Variants in NRCAM observed in about 807,000 individuals in gnomAD.
NRCAM encodes the protein neuronal cell adhesion molecule.
In NRCAM, 83 loss-of-function variants were observed where a neutral mutation model predicts 156.5. The observed-to-expected ratio is 0.53, with a 90% confidence interval of 0.44 to 0.64. The LOEUF (loss-of-function observed/expected upper bound fraction) is 0.64, where lower values mean the gene tolerates loss of function less well. Among genes scored for constraint, NRCAM ranks in the 30% least tolerant of loss-of-function variants. The pLI, the probability that NRCAM is intolerant of heterozygous loss-of-function variation, is 0.00. For missense variants in NRCAM, 1,417 were observed against 1,597.3 expected, an observed-to-expected ratio of 0.89 and a Z score of 1.92; for synonymous variants, 538 against 563.9, an observed-to-expected ratio of 0.95 and a Z score of 0.65.
At chr7:108,246,124 C>G (rs767111298) in intron 3 of NRCAM, among the ~76,000 whole-genome samples, 6 of 152,188 alleles carry the variant, frequency 3.9e-5, no homozygotes, top group Non-Finnish European at 5.9e-5. Context: ...GAGGAACGAA[C>G]TAGTTCTTTG....
intron 3 of NRCAM, among the ~76,000 whole-genome samples, chr7:108,241,679 GA>G (rs1042025303): frequency 2.0e-5 from 3 of 150,158 alleles, no homozygotes; most frequent in East Asian, 1.9e-4. Context: ...ATATTTGGAG[GA>G]AAAAAAAAGG....
At chr7:108,189,768 A>T (rs2069881760) in intron 19 of NRCAM, 22 bp from the exon 20 acceptor site, 1 of 885,314 alleles carries the variant, frequency 1.1e-6, no homozygotes, top group Non-Finnish European at 1.9e-6. Context: ...ACATACACAC[A>T]TCATGGTCAC....
chr7:108,233,852 T>A (rs17155253), intron 6 of NRCAM, among the ~76,000 whole-genome samples: 11,202 of 152,232 alleles, frequency 0.074, 594 homozygotes, highest in African/African-American at 0.14. Flanking sequence ...TGACTGGACA[T>A]GTTACAGATC....
At chr7:108,286,331 G>A (rs1388872710) in intron 3 of NRCAM, among the ~76,000 whole-genome samples, 1 of 152,104 alleles carries the variant, frequency 6.6e-6, no homozygotes, top group African/African-American at 2.4e-5. Context: ...GGTCGTGAAT[G>A]ATCTTTTCAG....
intron 3 of NRCAM, among the ~76,000 whole-genome samples, chr7:108,270,048 T>C (rs376598731): frequency 2.0e-5 from 3 of 152,232 alleles, no homozygotes; most frequent in African/African-American, 7.2e-5. Flanking sequence ...ACAGCTTCCA[T>C]TATCTTCACA....
chr7:108,264,387 A>G (rs1277371029), intron 3 of NRCAM, among the ~76,000 whole-genome samples: 1 of 152,134 alleles, frequency 6.6e-6, no homozygotes, highest in African/African-American at 2.4e-5. Context: ...TTATAAGCTG[A>G]GTTACATGTT....
intron 4 of NRCAM, among the ~76,000 whole-genome samples, chr7:108,239,316 C>T (rs1302138857): frequency 2.0e-5 from 3 of 152,144 alleles, no homozygotes; most frequent in Non-Finnish European, 4.4e-5. Flanking sequence ...TTAGCAGTTG[C>T]ATTTTGGCAT....
intron 13 of NRCAM, among the ~76,000 whole-genome samples, chr7:108,201,193 G>C (rs533469849): frequency 2.4e-5 from 3 of 125,132 alleles, no homozygotes; most frequent in Non-Finnish European, 5.3e-5. Context: ...AAAAAAAAAA[G>C]AAAAAGATTC....
chr7:108,343,210 G>T (rs551674047), intron 2 of NRCAM, among the ~76,000 whole-genome samples: 6 of 152,270 alleles, frequency 3.9e-5, no homozygotes, highest in African/African-American at 1.4e-4. Flanking sequence ...AGAACTAATA[G>T]CCCTCATTCA....
intron 28 of NRCAM, among the ~76,000 whole-genome samples, chr7:108,172,983 ATTTTTT>A (rs143144704): frequency 5.9e-5 from 7 of 118,756 alleles, no homozygotes; most frequent in Admixed American, 1.7e-4. Context: ...TGAGATGTTG[ATTTTTT>A]TTTTTTTTTT....
At chr7:108,354,357 C>A (rs1034060118) in intron 2 of NRCAM, among the ~76,000 whole-genome samples, 3 of 152,144 alleles carry the variant, frequency 2.0e-5, no homozygotes, top group African/African-American at 4.8e-5. Flanking sequence ...GTAAACATCC[C>A]AGTTTAGAGT....
chr7:108,383,118 CCACACACACACACACGCTCT>C (rs2099708892), intron 2 of NRCAM, among the ~76,000 whole-genome samples: 1 of 128,820 alleles, frequency 7.8e-6, no homozygotes, highest in Non-Finnish European at 1.7e-5. Flanking sequence ...CTGAGTCACA[CCACACACACACACACGCTCT>C]CACACACACA....
chr7:108,229,228 G>C (rs961193152), intron 8 of NRCAM, among the ~76,000 whole-genome samples: 5 of 152,100 alleles, frequency 3.3e-5, no homozygotes, highest in African/African-American at 9.7e-5. Flanking sequence ...ATTTGAAATA[G>C]CTAATAATTG....
chr7:108,418,202 G>A (rs1244247582), intron 1 of NRCAM, among the ~76,000 whole-genome samples: 1 of 152,026 alleles, frequency 6.6e-6, no homozygotes, highest in Non-Finnish European at 1.5e-5. Flanking sequence ...ACAGTTCAAG[G>A]CCAGTGCAAA....
chr7:108,311,486 G>A (rs1449392672), intron 3 of NRCAM, among the ~76,000 whole-genome samples: 1 of 152,104 alleles, frequency 6.6e-6, no homozygotes, highest in Non-Finnish European at 1.5e-5. Context: ...CAAAATTAAG[G>A]CTATTTTGGT....
chr7:108,166,407 C>T (rs2054281456), intron 30 of NRCAM, among the ~76,000 whole-genome samples: 1 of 151,954 alleles, frequency 6.6e-6, no homozygotes, highest in Admixed American at 6.6e-5. Flanking sequence ...ACCACCATGC[C>T]CAGCTAATTA....
At chr7:108,322,694 T>C (rs1293578837) in intron 2 of NRCAM, among the ~76,000 whole-genome samples, 2 of 152,188 alleles carry the variant, frequency 1.3e-5, no homozygotes, top group Non-Finnish European at 2.9e-5. Flanking sequence ...AAAATGGCTT[T>C]GGGAGTCTCT....
At chr7:108,259,443 C>G (rs779671227) in intron 3 of NRCAM, among the ~76,000 whole-genome samples, 1 of 152,140 alleles carries the variant, frequency 6.6e-6, no homozygotes, top group Non-Finnish European at 1.5e-5. Flanking sequence ...GGTGGTTCCT[C>G]AAAGACCTAG....
At chr7:108,221,201 G>T (rs556381591) in intron 11 of NRCAM, among the ~76,000 whole-genome samples, 1 of 152,280 alleles carries the variant, frequency 6.6e-6, no homozygotes, top group South Asian at 2.1e-4. Context: ...AAAAACAGTA[G>T]ATGTTGGCAT....
Sources: gnomAD v4.1 joint callset for allele counts (sites outside exome capture counted in the v4.1 genomes callset) on GRCh38, gnomAD v4.1.1 for gene constraint, MANE v1.5 for transcripts, NCBI Gene and HGNC (gene_info 2026-07-23, HGNC 2026-07-21) for gene names.